The following TGDS variants were observed in gnomAD, a reference collection of about 807,000 sequenced individuals.
The protein encoded by TGDS is TDP-glucose 4,6-dehydratase.
In TGDS, 47 loss-of-function variants were observed where a neutral mutation model predicts 52.3. The ratio of observed to expected loss-of-function variants is 0.90; its 90% CI spans 0.71 to 1.15. TGDS has a LOEUF of 1.15. Among genes scored for constraint, TGDS ranks in the 50% most tolerant of loss-of-function variants. The pLI, the probability that TGDS is intolerant of heterozygous loss-of-function variation, is 0.00. For synonymous variants in TGDS, 115 were observed against 136.9 expected (o/e 0.84, Z 1.12); for missense variants, 375 against 418.4 (o/e 0.90, Z 0.90).
At chr13:94,593,776 T>C in intron 2 of TGDS, 65 bp downstream of exon 2, 2 of 1,153,230 alleles carry the variant, frequency 1.7e-6, no homozygotes, top group Non-Finnish European at 2.5e-6. Context: ...AAGATTCTAG[T>C]ACTTTTAGAA....
chr13:94,585,799 CAAAA>C (rs371365630), intron 4 of TGDS, among the ~76,000 whole-genome samples: 15 of 116,302 alleles, frequency 1.3e-4, no homozygotes, highest in Non-Finnish European at 1.3e-4. Context: ...GACTCTGTCT[CAAAA>C]AAAAAAAAAA....
chr13:94,574,643 A>G lies in TGDS; in HGVS notation c.*139T>C. On this transcript the variant is annotated 3_prime_UTR_variant, in exon 12 of 12. Transcript: ENST00000261296. ...TCTCCCAAAGATTGAGGCATTCTGCATTTGAATTTTATACAGAAAGTCATG... is the reference window on the plus strand; with the variant it reads ...TCTCCCAAAGATTGAGGCATTCTGCGTTTGAATTTTATACAGAAAGTCATG... The G allele has an allele frequency of 1.8e-6, 1 of 569,334 alleles. No homozygotes were observed. The allele number at this position is 569,334 out of a possible 1,614,324, so 35.3% of individuals were successfully genotyped here. A position where few individuals can be genotyped will look rare whatever the true frequency, so the allele number is the denominator to read the frequency against.
intron 1 of TGDS, 115 bp downstream of exon 1, chr13:94,595,936 T>C: frequency 1.7e-6 from 2 of 1,155,700 alleles, no homozygotes; most frequent in Non-Finnish European, 2.6e-6. Flanking sequence ...ACCCTCCCCA[T>C]ATCAGAATAA....
At chr13:94,596,272 G>C (rs764214116), upstream of TGDS, 4 of 948,496 alleles carry the variant, frequency 4.2e-6, no homozygotes, top group African/African-American at 6.6e-5. Flanking sequence ...TCCGGAGACT[G>C]CTCTGTGGCC....
At chr13:94,594,877 T>G (rs1482294318) in intron 1 of TGDS, among the ~76,000 whole-genome samples, 1 of 135,222 alleles carries the variant, frequency 7.4e-6, no homozygotes, top group Non-Finnish European at 1.6e-5. Context: ...TAGGAGAGTT[T>G]CCTGTTTATT....
chr13:94,586,728 C>T (rs943333471), intron 4 of TGDS, among the ~76,000 whole-genome samples: 1 of 149,708 alleles, frequency 6.7e-6, no homozygotes, highest in East Asian at 1.9e-4. Context: ...AAGTAACCCA[C>T]GGATGAGAGA....
chr13:94,588,155 CAGCACTTTGGG>C (rs896450883), intron 4 of TGDS, among the ~76,000 whole-genome samples: 2 of 151,684 alleles, frequency 1.3e-5, no homozygotes, highest in African/African-American at 4.8e-5. Context: ...CCTGTAATCC[CAGCACTTTGGG>C]AGGCTGAGAC....
chr13:94,574,493 C>A lies in TGDS; in HGVS notation c.*289G>T. 3.7e-6 allele frequency: 1 copy of A among 268,524 alleles called. No individual in the cohort carries two copies. Among genetic ancestry groups the A allele is most frequent in the African/African-American group, 2.2e-5 (1 of 45,278 alleles). The allele number at this position is 268,524 out of a possible 1,614,324, so 16.6% of individuals were successfully genotyped here. A position where few individuals can be genotyped will look rare whatever the true frequency, so the allele number is the denominator to read the frequency against. On this transcript the variant is annotated 3_prime_UTR_variant, in exon 12 of 12. Transcript: ENST00000261296. Reference sequence around the variant, plus strand: ...AGCACCACTACCCCTCATGGTTGTCCGAATCAGGAGACTTCTTCCTGGCTA... The same window carrying A: ...AGCACCACTACCCCTCATGGTTGTCAGAATCAGGAGACTTCTTCCTGGCTA...
At chr13:94,575,286 T>C (rs1244449872) in intron 11 of TGDS, among the ~76,000 whole-genome samples, 3 of 65,696 alleles carry the variant, frequency 4.6e-5, no homozygotes, top group Non-Finnish European at 9.0e-5. Context: ...ACTTCCTTGC[T>C]TTTTTTTTTT....
chr13:94,586,265 A>G (rs748563686), intron 4 of TGDS, among the ~76,000 whole-genome samples: 87 of 152,356 alleles, frequency 5.7e-4, no homozygotes, highest in African/African-American at 2.0e-3. Context: ...TGTTGTTTAC[A>G]AGACATGCAG....
chr13:94,574,672 C>T lies in TGDS; in HGVS notation c.*110G>A. The T allele has an allele frequency of 1.6e-6, 1 of 636,056 alleles. No individual in the cohort carries two copies. The highest frequency in any genetic ancestry group is 2.8e-6 in the Non-Finnish European group (1 of 361,014). The allele number at this position is 636,056 out of a possible 1,614,324, so 39.4% of individuals were successfully genotyped here. Reference sequence around the variant, plus strand: ...GAATTTTATACAGAAAGTCATGAATCTAATTCCAAAAGAAAAGAGTGCACT... The same window carrying T: ...GAATTTTATACAGAAAGTCATGAATTTAATTCCAAAAGAAAAGAGTGCACT... On this transcript the variant is annotated 3_prime_UTR_variant, in exon 12 of 12. Transcript: ENST00000261296.
At chr13:94,578,217 C>G (rs1888669617) in intron 8 of TGDS, 47 bp from the exon 9 acceptor site, 4 of 1,585,878 alleles carry the variant, frequency 2.5e-6, no homozygotes, top group Non-Finnish European at 1.7e-6. Flanking sequence ...AAAAGGTAAA[C>G]TCTCCTAAAG....
intron 3 of TGDS, among the ~76,000 whole-genome samples, chr13:94,591,804 AAG>A (rs1200319955): frequency 1.6e-4 from 25 of 152,366 alleles, no homozygotes; most frequent in African/African-American, 5.5e-4. Context: ...TGTAGTTAAA[AAG>A]AGAGTTTATA....
chr13:94,576,070 T>A lies in TGDS; in HGVS notation c.982+244A>T, dbSNP rs183196872. Among the ~76,000 whole-genome samples, 464 of 152,300 alleles carry A rather than the reference T, an allele frequency of 3.0e-3. 1 individual carries two copies. The highest frequency in any genetic ancestry group is 0.01 in the African/African-American group (432 of 41,564). Reference sequence around the variant, plus strand: ...AAGTGAAAAAATATGTACCTCAGAATAAATAATACAGGTATTTGATTAATG... The same window carrying A: ...AAGTGAAAAAATATGTACCTCAGAAAAAATAATACAGGTATTTGATTAATG... On this transcript the variant is annotated intron_variant, in intron 11 of 11. Transcript: ENST00000261296.
At chr13:94,588,249 C>A (rs1213443870) in intron 4 of TGDS, among the ~76,000 whole-genome samples, 1 of 150,618 alleles carries the variant, frequency 6.6e-6, no homozygotes, top group African/African-American at 2.4e-5. Flanking sequence ...CATGGTGAAA[C>A]CCCATCTCTA....
At chr13:94,594,316 CTA>C (rs1316242228) in intron 1 of TGDS, among the ~76,000 whole-genome samples, 1 of 152,174 alleles carries the variant, frequency 6.6e-6, no homozygotes, top group African/African-American at 2.4e-5. Flanking sequence ...AATGAAATTA[CTA>C]TGAGTATAGT....
chr13:94,595,528 A>C (rs944529382), intron 1 of TGDS, among the ~76,000 whole-genome samples: 20 of 152,190 alleles, frequency 1.3e-4, no homozygotes, highest in Non-Finnish European at 2.2e-4. Context: ...GAAACGGGAA[A>C]CTGGTGAGAA....
At chr13:94,587,304 C>T (rs540983011) in intron 4 of TGDS, among the ~76,000 whole-genome samples, 6 of 152,074 alleles carry the variant, frequency 3.9e-5, no homozygotes, top group East Asian at 1.9e-4. Context: ...AAAACAAACA[C>T]GCATAAGAAA....
At chr13:94,577,965 A>G (rs1594438961) in intron 9 of TGDS, 40 bp downstream of exon 9, 1 of 1,589,766 alleles carries the variant, frequency 6.3e-7, no homozygotes, top group East Asian at 2.3e-5. Context: ...ACTGCCACTA[A>G]CAATTTTGAA....
Sources: gnomAD v4.1 joint callset for allele counts (sites outside exome capture counted in the v4.1 genomes callset) on GRCh38, gnomAD v4.1.1 for gene constraint, MANE v1.5 for transcripts, NCBI Gene and HGNC (gene_info 2026-07-23, HGNC 2026-07-21) for gene names.